Variants in BICC1 observed in about 807,000 individuals in gnomAD.
BICC1 encodes protein bicaudal C homolog 1.
BICC1 carries 43 observed loss-of-function variants against 111.0 expected under a neutral mutation model. The observed-to-expected ratio is 0.39, with a 90% CI of 0.30 to 0.50. The LOEUF is 0.50. Ranked by LOEUF, BICC1 falls within the 20% of genes least tolerant of loss-of-function variation. The pLI is 0.88. For missense variants in BICC1, 1,091 were observed against 1,203.2 expected (o/e 0.91, Z 1.38); for synonymous variants, 467 against 434.4 (o/e 1.07, Z -0.93).
chr10:58,535,554 C>A (rs957540190), intron 1 of BICC1, among the ~76,000 whole-genome samples: 7 of 151,674 alleles, frequency 4.6e-5, no homozygotes, highest in African/African-American at 1.7e-4. Flanking sequence ...AATACTAGAC[C>A]AATGTTACAA....
At chr10:58,579,531 C>T (rs536650485) in intron 1 of BICC1, among the ~76,000 whole-genome samples, 1 of 152,250 alleles carries the variant, frequency 6.6e-6, no homozygotes, top group Non-Finnish European at 1.5e-5. Context: ...ATCGGTTTTT[C>T]CTAGCCTCAC....
In BICC1 at chr10:58,601,435, A is replaced by G. The variant is rs898866688; in HGVS notation, c.191-19420A>G. 1.3e-5 allele frequency among the ~76,000 whole-genome samples: 2 copies of G among 151,590 alleles called. 1 individual carries two copies. The highest frequency in any genetic ancestry group is 2.9e-5 in the Non-Finnish European group (2 of 67,840). On this transcript the variant is annotated intron_variant, in intron 1 of 20. Transcript: ENST00000373886. ...AAATCATCTTTTCAAATGACCTTAA[A>G]ATGTTTGAAAAAGTGTCTATATCTA...
chr10:58,573,670 C>T (rs1844028107), intron 1 of BICC1, among the ~76,000 whole-genome samples: 1 of 152,088 alleles, frequency 6.6e-6, no homozygotes, highest in African/African-American at 2.4e-5. Flanking sequence ...GAGCAGGGCC[C>T]AGTTGTATGA....
Position 58,624,920 on chromosome 10 carries a change from A to G in BICC1, c.237+4019A>G, listed in dbSNP as rs140269955. On this transcript the variant is annotated intron_variant, in intron 2 of 20. Transcript: ENST00000373886. The stretch of plus-strand genomic sequence containing the variant: ...GTAATCTTGCCTTTGAAAGAGAACT[A>G]TTTGTACACCCTTGGTCTTTTTTCT... 3.3e-3 allele frequency among the ~76,000 whole-genome samples: 496 copies of G among 152,316 alleles called. 4 individuals carry two copies. The highest frequency in any genetic ancestry group is 0.011 in the African/African-American group (465 of 41,568).
intron 1 of BICC1, among the ~76,000 whole-genome samples, chr10:58,525,668 T>A (rs1449015208): frequency 2.8e-5 from 4 of 140,984 alleles, no homozygotes; most frequent in East Asian, 2.2e-4. Context: ...CATATGTAAC[T>A]AACCTGCACG....
chr10:58,542,170 A>AC lies in BICC1; in HGVS notation c.190+28837_190+28838insC, dbSNP rs201995265. 6.6e-3 allele frequency among the ~76,000 whole-genome samples: 965 copies of AC among 145,276 alleles called. 16 individuals carry two copies. The highest frequency in any genetic ancestry group is 0.026 in the African/African-American group (927 of 35,998). On this transcript the variant is annotated intron_variant, in intron 1 of 20. Transcript: ENST00000373886. ...TGTCTCAAAAAAAAAAAAAAAACAA[A>AC]AAAAAAAACCCAGACATACAGACTA...
At chr10:58,722,719 C>A (rs1323739157) in intron 3 of BICC1, among the ~76,000 whole-genome samples, 1 of 152,108 alleles carries the variant, frequency 6.6e-6, no homozygotes, top group Non-Finnish European at 1.5e-5. Flanking sequence ...GGATACCTAC[C>A]TATGAAAGAA....
At chr10:58,800,839 G>C in intron 13 of BICC1, 51 bp from the exon 14 acceptor site, 1 of 1,513,866 alleles carries the variant, frequency 6.6e-7, no homozygotes, top group Non-Finnish European at 8.9e-7. Context: ...ATTGTCAACT[G>C]GAAGGTGATG....
At chr10:58,769,941 A>G (rs1218344757) in intron 3 of BICC1, among the ~76,000 whole-genome samples, 1 of 152,140 alleles carries the variant, frequency 6.6e-6, no homozygotes, top group Admixed American at 6.5e-5. Flanking sequence ...TGAAAAGCGT[A>G]AAAGTAGTGC....
intron 1 of BICC1, among the ~76,000 whole-genome samples, chr10:58,612,495 T>TA (rs1206004119): frequency 6.6e-6 from 1 of 152,120 alleles, no homozygotes; most frequent in African/African-American, 2.4e-5. Flanking sequence ...AAATTTTGTG[T>TA]AAAATATTTT....
At chr10:58,527,555 G>A (rs1021917924) in intron 1 of BICC1, among the ~76,000 whole-genome samples, 10 of 152,100 alleles carry the variant, frequency 6.6e-5, no homozygotes, top group South Asian at 2.1e-4. Flanking sequence ...TATGGTTTTA[G>A]GTCTAACATT....
chr10:58,542,465 T>G (rs1285395174), intron 1 of BICC1, among the ~76,000 whole-genome samples: 1 of 152,128 alleles, frequency 6.6e-6, no homozygotes, highest in Non-Finnish European at 1.5e-5. Flanking sequence ...TTGGCAATGA[T>G]TTTGTGGATT....
chr10:58,698,842 G>A (rs978702535), intron 2 of BICC1, among the ~76,000 whole-genome samples: 7 of 152,336 alleles, frequency 4.6e-5, no homozygotes, highest in Non-Finnish European at 1.0e-4. Context: ...ATTGATAGAA[G>A]TTAAGTAATT....
intron 2 of BICC1, among the ~76,000 whole-genome samples, chr10:58,623,023 TCAGCTA>T (rs1845872263): frequency 6.6e-6 from 1 of 152,182 alleles, no homozygotes; most frequent in African/African-American, 2.4e-5. Context: ...AGTTTAAACT[TCAGCTA>T]CTCAACTTTT....
intron 1 of BICC1, among the ~76,000 whole-genome samples, chr10:58,539,726 C>T (rs533919120): frequency 6.6e-6 from 1 of 151,766 alleles, no homozygotes; most frequent in African/African-American, 2.4e-5. Flanking sequence ...CTTTTAATAA[C>T]CAGACAGAAT....
chr10:58,554,065 A>G (rs1293967449), intron 1 of BICC1, among the ~76,000 whole-genome samples: 3 of 152,196 alleles, frequency 2.0e-5, no homozygotes, highest in Admixed American at 6.5e-5. Flanking sequence ...TTTATTTTAA[A>G]TGATATTGAA....
chr10:58,765,513 T>G (rs1345987852), intron 3 of BICC1, among the ~76,000 whole-genome samples: 1 of 152,190 alleles, frequency 6.6e-6, no homozygotes, highest in East Asian at 1.9e-4. Context: ...GCACAAAATT[T>G]TTATATTATT....
chr10:58,708,361 GATGTA>G (rs1219842210), intron 3 of BICC1, among the ~76,000 whole-genome samples: 12 of 151,614 alleles, frequency 7.9e-5, no homozygotes, highest in African/African-American at 2.9e-4. Context: ...AAGTATACCA[GATGTA>G]ATGCTCCAAG....
chr10:58,749,281 G>C (rs1396389748), intron 3 of BICC1, among the ~76,000 whole-genome samples: 4 of 152,108 alleles, frequency 2.6e-5, no homozygotes, highest in African/African-American at 9.7e-5. Flanking sequence ...TCATCTTCCT[G>C]AGTTCCTGTT....
Sources: allele counts gnomAD v4.1 joint callset (sites outside exome capture counted in the v4.1 genomes callset), GRCh38; gene constraint gnomAD v4.1.1; transcripts MANE v1.5; gene names NCBI Gene and HGNC (gene_info 2026-07-23, HGNC 2026-07-21).